The following BLNK variants were observed in gnomAD, a reference collection of about 807,000 sequenced individuals.
The protein encoded by BLNK is B cell linker, also known as B-cell linker protein.
Under a neutral mutation model 73.5 loss-of-function variants are expected in BLNK, and 29 were observed. That is an observed-to-expected ratio of 0.39 (90% confidence interval 0.29 to 0.54). The LOEUF is 0.54. Among genes scored for constraint, BLNK ranks in the 20% least tolerant of loss-of-function variants. The probability of loss-of-function intolerance (pLI) is 0.61; values close to 1 mark genes in which losing one functional copy is unlikely to be tolerated. For synonymous variants in BLNK, 176 were observed against 200.8 expected (o/e 0.88, Z 1.04); for missense variants, 460 against 562.8 (o/e 0.82, Z 1.85).
chr10:96,214,829 C>G (rs916596309), intron 8 of BLNK, among the ~76,000 whole-genome samples: 1 of 152,172 alleles, frequency 6.6e-6, no homozygotes, highest in Non-Finnish European at 1.5e-5. Context: ...TTCGCATTCA[C>G]ATTTGCAGAA....
rs1031900876 is a variant in BLNK at position 96,264,840 on chromosome 10, G to C, written c.47+6512C>G. On this transcript the variant is annotated intron_variant, in intron 1 of 16. Coordinates refer to ENST00000224337, the MANE Select transcript of BLNK (RefSeq NM_013314.4). ...ATATAACCAAGAAGATTAAAGGATGGACAAGCAAACGCATTTCATCTCTCC... is the reference window on the plus strand; with the variant it reads ...ATATAACCAAGAAGATTAAAGGATGCACAAGCAAACGCATTTCATCTCTCC... Among the ~76,000 whole-genome samples the C allele has an allele frequency of 2.6e-5, 4 of 152,162 alleles. No individual in the cohort carries two copies. In the South Asian group the frequency reaches 8.3e-4, roughly 32 times the overall value.
chr10:96,193,614 T>G (rs1469170569), intron 16 of BLNK, among the ~76,000 whole-genome samples: 2 of 152,184 alleles, frequency 1.3e-5, no homozygotes, highest in African/African-American at 4.8e-5. Context: ...TTCCCCTCAC[T>G]CTCCTTTTTT....
At chr10:96,255,285 C>T (rs1843462541) in intron 1 of BLNK, among the ~76,000 whole-genome samples, 1 of 152,204 alleles carries the variant, frequency 6.6e-6, no homozygotes, top group African/African-American at 2.4e-5. Flanking sequence ...TCGGCCAGAT[C>T]ACCAGAGGTG....
chr10:96,242,645 G>A, intron 3 of BLNK, 90 bp downstream of exon 3: 1 of 1,206,636 alleles, frequency 8.3e-7, no homozygotes, highest in Non-Finnish European at 1.2e-6. Flanking sequence ...TTCAAATGAG[G>A]ATAGCGTATT....
chr10:96,262,796 C>G (rs1030221291), intron 1 of BLNK, among the ~76,000 whole-genome samples: 16 of 152,232 alleles, frequency 1.1e-4, no homozygotes, highest in African/African-American at 3.6e-4. Context: ...ATACTGACAG[C>G]AGGAATCCTC....
At chr10:96,211,644 G>A (rs1281976880) in intron 8 of BLNK, among the ~76,000 whole-genome samples, 2 of 152,192 alleles carry the variant, frequency 1.3e-5, no homozygotes, top group Non-Finnish European at 2.9e-5. Flanking sequence ...ACCCTGGGAA[G>A]CAATGCCCCC....
At chr10:96,197,902 C>T (rs782364528) in intron 15 of BLNK, among the ~76,000 whole-genome samples, 4 of 125,580 alleles carry the variant, frequency 3.2e-5, no homozygotes, top group Non-Finnish European at 6.7e-5. Flanking sequence ...GGTGACAGAG[C>T]GAGACAACAT....
intron 1 of BLNK, among the ~76,000 whole-genome samples, chr10:96,250,415 G>A (rs933087131): frequency 4.9e-5 from 7 of 143,426 alleles, no homozygotes; most frequent in South Asian, 2.3e-4. Flanking sequence ...AGAGAGAGGG[G>A]GAGAGAGAGA....
At chr10:96,251,339 T>G (rs2134106332) in intron 1 of BLNK, among the ~76,000 whole-genome samples, 1 of 152,356 alleles carries the variant, frequency 6.6e-6, no homozygotes, top group East Asian at 1.9e-4. Flanking sequence ...TTTGAAGTGC[T>G]TTTTGCTCCT....
chr10:96,203,911 A>G, intron 13 of BLNK, 146 bp downstream of exon 13: 1 of 593,364 alleles, frequency 1.7e-6, no homozygotes, highest in African/African-American at 1.9e-5. Context: ...TCTTGGCCCC[A>G]TTTTACAGGT....
intron 8 of BLNK, among the ~76,000 whole-genome samples, chr10:96,211,892 A>C (rs1483075499): frequency 6.6e-6 from 1 of 152,224 alleles, no homozygotes; most frequent in African/African-American, 2.4e-5. Flanking sequence ...TTGATGGAAG[A>C]TCTCAGGGAA....
At chr10:96,247,328 T>C (rs1467866616) in intron 1 of BLNK, among the ~76,000 whole-genome samples, 1 of 152,218 alleles carries the variant, frequency 6.6e-6, no homozygotes, top group Non-Finnish European at 1.5e-5. Flanking sequence ...TCTGATTCCT[T>C]GCTCATTGTC....
rs1554895756 is a variant in BLNK, at chr10:96,200,179, G to T, written c.1012-21C>A. ...GCTTCCTGTGAAATGGAGGGCACTG[G>T]TCAGCATGGGATGGTCCCTACTTAA... On this transcript the variant is annotated intron_variant, in intron 14 of 16. Coordinates refer to ENST00000224337, the MANE Select transcript of BLNK (RefSeq NM_013314.4). The surrounding 1 kb of genome is among the most constrained non-coding windows in gnomAD (Gnocchi z 4.3). 1 of 1,607,296 alleles carries T rather than the reference G, an allele frequency of 6.2e-7. No individual in the cohort carries two copies. The highest frequency in any genetic ancestry group is 2.2e-5 in the East Asian group (1 of 44,840).
intron 3 of BLNK, among the ~76,000 whole-genome samples, chr10:96,231,400 G>A (rs75114786): frequency 0.012 from 1,776 of 152,216 alleles, 26 homozygotes; most frequent in African/African-American, 0.039. Flanking sequence ...GAGCTTTGCC[G>A]TCTTTTAGCC....
chr10:96,260,234 G>A (rs1192153348), intron 1 of BLNK, among the ~76,000 whole-genome samples: 3 of 152,174 alleles, frequency 2.0e-5, no homozygotes, highest in African/African-American at 7.2e-5. Flanking sequence ...CTTGGGTTTG[G>A]AAGAACACTA....
intron 1 of BLNK, among the ~76,000 whole-genome samples, chr10:96,260,168 A>G (rs1291508224): frequency 1.3e-5 from 2 of 152,174 alleles, no homozygotes; most frequent in Non-Finnish European, 2.9e-5. Context: ...ATAAAAGCAG[A>G]TTGCAAAAAC....
intron 11 of BLNK, among the ~76,000 whole-genome samples, chr10:96,206,200 C>T (rs116065271): frequency 8.0e-4 from 122 of 152,230 alleles, no homozygotes; most frequent in Middle Eastern, 3.4e-3. Flanking sequence ...TAGATATACG[C>T]ACATCAACTC....
At chr10:96,213,932 C>T (rs923182424) in intron 8 of BLNK, among the ~76,000 whole-genome samples, 4 of 152,148 alleles carry the variant, frequency 2.6e-5, no homozygotes, top group African/African-American at 4.8e-5. Context: ...ACTTATAAAG[C>T]GCTTGTGGGT....
intron 1 of BLNK, among the ~76,000 whole-genome samples, chr10:96,261,349 G>A (rs140875707): frequency 3.9e-5 from 6 of 152,234 alleles, no homozygotes; most frequent in Admixed American, 3.9e-4. Flanking sequence ...CACCACCACT[G>A]CCTAGTTCCA....
Sources: allele counts gnomAD v4.1 joint callset (sites outside exome capture counted in the v4.1 genomes callset), GRCh38; gene constraint gnomAD v4.1.1; non-coding constraint Gnocchi (gnomAD v3.1); transcripts MANE v1.5; gene names NCBI Gene and HGNC (gene_info 2026-07-23, HGNC 2026-07-21).